Variants in SLC16A9 observed in about 807,000 individuals in gnomAD.
The protein encoded by SLC16A9 is solute carrier family 16 member 9.
SLC16A9 carries 26 observed loss-of-function variants against 44.3 expected under a neutral mutation model. The observed-to-expected ratio is 0.59, with a 90% CI of 0.43 to 0.81. SLC16A9 has a LOEUF of 0.81. Among genes scored for constraint, SLC16A9 ranks in the 40% least tolerant of loss-of-function variants. SLC16A9 has a pLI of 0.00. For missense variants in SLC16A9, 559 were observed against 595.8 expected (o/e 0.94, Z 0.64); for synonymous variants, 230 against 225.1 (o/e 1.02, Z -0.19).
chr10:59,672,945 T>C lies in SLC16A9; in HGVS notation c.197-32A>G, dbSNP rs183156916. On this transcript the variant is annotated intron_variant, in intron 2 of 5. Transcript: ENST00000395348. ...AAAGAAATGAAACCTTCACTTATTA[T>C]CATATGATCCATCCATCATAAGTTC... is the stretch of plus-strand genomic sequence containing the variant. The C allele has an allele frequency of 4.4e-6, 7 of 1,578,682 alleles. No homozygotes were observed. In the East Asian group the frequency reaches 1.6e-4, roughly 36 times the overall value.
In SLC16A9 at chr10:59,650,934, G is replaced by A. The variant is rs1363693419; in HGVS notation, c.*1838C>T. ...AAAGTCAAACTTTTTCAGGTTATTG[G>A]GTTTCCTGAACATAACTGGCAAAAA... On this transcript the variant is annotated 3_prime_UTR_variant, in exon 6 of 6. Coordinates refer to ENST00000395348, the MANE Select transcript of SLC16A9 (RefSeq NM_194298.3). 6.6e-6 allele frequency: 1 copy of A among 151,690 alleles called. No homozygotes were observed. Among genetic ancestry groups the A allele is most frequent in the Non-Finnish European group, 1.5e-5 (1 of 67,964 alleles). The allele number at this position is 151,690 out of a possible 1,614,324, so 9.4% of individuals were successfully genotyped here.
chr10:59,657,434 C>T (rs1839374329), intron 4 of SLC16A9, among the ~76,000 whole-genome samples: 1 of 152,162 alleles, frequency 6.6e-6, no homozygotes, highest in Non-Finnish European at 1.5e-5. Flanking sequence ...TTTTAAAAAA[C>T]TCTGCTGTGA....
Position 59,653,756 on chromosome 10 carries a change from CCA to C in SLC16A9, c.1268_1269del (p.Val423GlyfsTer3). On this transcript the variant is annotated frameshift_variant, in exon 5 of 6. Transcript: ENST00000395348. LOFTEE classifies it high-confidence loss of function. ...TAGGCATGGGCTAATTTTTCAATTCCCACAGTCTTCGTGGTCACATATGGAAA... is the reference window on the plus strand; with the variant it reads ...TAGGCATGGGCTAATTTTTCAATTCCCAGTCTTCGTGGTCACATATGGAAA... Reference protein sequence around the residue: ...SIFPYVTTKTVGIEKLAHAYG... With the variant: ...SIFPYVTTKTXGIEKLAHAYG... 6.2e-7 allele frequency: 1 copy of C among 1,614,084 alleles called. No homozygotes were observed. Among genetic ancestry groups the C allele is most frequent in the Non-Finnish European group, 8.5e-7 (1 of 1,180,014 alleles).
In SLC16A9 at chr10:59,682,191, C is replaced by T. The variant is rs374322368; in HGVS notation, c.196+1905G>A. On this transcript the variant is annotated intron_variant, in intron 2 of 5. Transcript: ENST00000395348. ...ATAAGATGCCCTAACTCTCTGGTCC[C>T]TACAAGCAGGGCTGGCTTGTTGGAT... Among the ~76,000 whole-genome samples, 331 of 152,156 alleles carry T rather than the reference C, an allele frequency of 2.2e-3. 1 individual carries two copies. Among genetic ancestry groups the T allele is most frequent in the African/African-American group, 7.7e-3 (319 of 41,510 alleles).
rs762986321 is a variant in SLC16A9 at position 59,684,216 on chromosome 10, A to G, written c.76T>C (p.Cys26Arg). 3 of 1,614,016 alleles carry G rather than the reference A, an allele frequency of 1.9e-6. No individual in the cohort carries two copies. In the African/African-American group the frequency reaches 4.0e-5, roughly 22 times the overall value. The change falls in exon 2 of 6, where the codon TGT (cysteine) becomes CGT (arginine). Residue 26 changes from cysteine to arginine, a missense_variant. Physicochemically the swap from Cys to Arg is radical, Grantham distance 180 (BLOSUM62 -3). Coordinates refer to ENST00000395348, the MANE Select transcript of SLC16A9 (RefSeq NM_194298.3). ...CCAACAGCTAGTGGGGATCCGTAAC[A>G]CAAAAACTGAGTAAGGAAGGAGACA... The part of the protein sequence containing the change: ...VFVSFLTQFL[C>R]YGSPLAVGVL...
chr10:59,691,850 G>T (rs1840260099), intron 1 of SLC16A9, among the ~76,000 whole-genome samples: 1 of 152,184 alleles, frequency 6.6e-6, no homozygotes, highest in Admixed American at 6.5e-5. Flanking sequence ...AACTGCAGGT[G>T]TGACATTTAA....
chr10:59,676,896 C>A (rs1026265068), intron 2 of SLC16A9, among the ~76,000 whole-genome samples: 1 of 145,366 alleles, frequency 6.9e-6, no homozygotes, highest in Admixed American at 7.0e-5. Flanking sequence ...GTGCTCCAGC[C>A]TGGGCAATGA....
intron 1 of SLC16A9, among the ~76,000 whole-genome samples, chr10:59,693,046 A>G (rs976369247): frequency 4.6e-5 from 7 of 152,196 alleles, no homozygotes. Flanking sequence ...TCTCCATACC[A>G]CATGTAATAT....
In SLC16A9 at chr10:59,683,646, T is replaced by C. The variant is rs899738642; in HGVS notation, c.196+450A>G. Among the ~76,000 whole-genome samples, 7 of 152,342 alleles carry C rather than the reference T, an allele frequency of 4.6e-5. No homozygotes were observed. In the East Asian group the frequency reaches 1.4e-3, roughly 29 times the overall value. ...CAGAGAAGAGTAATCACAAGCCATGTAGAAGCTGCCTAGAAGGCTGCTGAG... is the reference window on the plus strand; with the variant it reads ...CAGAGAAGAGTAATCACAAGCCATGCAGAAGCTGCCTAGAAGGCTGCTGAG... On this transcript the variant is annotated intron_variant, in intron 2 of 5. Coordinates refer to ENST00000395348, the MANE Select transcript of SLC16A9 (RefSeq NM_194298.3).
At chr10:59,689,659 T>C (rs1164365967) in intron 1 of SLC16A9, among the ~76,000 whole-genome samples, 3 of 152,220 alleles carry the variant, frequency 2.0e-5, no homozygotes, top group African/African-American at 7.2e-5. Context: ...TCCACGTTTG[T>C]GAGCTAACCC....
At chr10:59,685,652 T>C (rs1840114944) in intron 1 of SLC16A9, among the ~76,000 whole-genome samples, 1 of 152,254 alleles carries the variant, frequency 6.6e-6, no homozygotes, top group African/African-American at 2.4e-5. Context: ...GACCAGTCCC[T>C]GTGGCTTTAA....
At position 59,678,023 on chromosome 10, in the gene SLC16A9, C is replaced by T. The variant is rs145108060; in HGVS notation, c.197-5110G>A. On this transcript the variant is annotated intron_variant, in intron 2 of 5. Coordinates refer to ENST00000395348, the MANE Select transcript of SLC16A9 (RefSeq NM_194298.3). ...CTAGCATTAGGTATATCTCCCAATG[C>T]TATCCCTCCCCCCTCCCCCCACCCC... 3.0e-3 allele frequency among the ~76,000 whole-genome samples: 440 copies of T among 146,800 alleles called. 1 individual carries two copies. The highest frequency in any genetic ancestry group is 0.011 in the African/African-American group (420 of 39,722).
rs772348949 is a variant in SLC16A9, at chr10:59,664,331, G to A, written c.341-9C>T. On this transcript the variant is annotated splice_polypyrimidine_tract_variant and intron_variant, in intron 3 of 5. Coordinates refer to ENST00000395348, the MANE Select transcript of SLC16A9 (RefSeq NM_194298.3). Reference sequence around the variant, plus strand: ...TAAACCACATCCAAGACCTAAGCATGAGAAGACATTGCATAAATTAAGACG... The same window carrying A: ...TAAACCACATCCAAGACCTAAGCATAAGAAGACATTGCATAAATTAAGACG... 1.9e-6 allele frequency: 3 copies of A among 1,584,816 alleles called. No homozygotes were observed. Among genetic ancestry groups the A allele is most frequent in the African/African-American group, 1.4e-5 (1 of 73,940 alleles).
At chr10:59,707,429 G>A (rs1840669601) in intron 1 of SLC16A9, among the ~76,000 whole-genome samples, 1 of 151,856 alleles carries the variant, frequency 6.6e-6, no homozygotes, top group Non-Finnish European at 1.5e-5. Flanking sequence ...AGTAGGTAGG[G>A]TTGGGGTGAA....
intron 1 of SLC16A9, among the ~76,000 whole-genome samples, chr10:59,694,563 G>T (rs534200545): frequency 6.6e-6 from 1 of 151,490 alleles, no homozygotes; most frequent in South Asian, 2.1e-4. Context: ...CACTTTGGGA[G>T]GCCAAGGTGG....
chr10:59,666,985 A>G (rs988730959), intron 3 of SLC16A9, among the ~76,000 whole-genome samples: 11 of 152,148 alleles, frequency 7.2e-5, no homozygotes, highest in African/African-American at 2.7e-4. Flanking sequence ...AATATTAACC[A>G]AAGTGATGTT....
chr10:59,653,022 A>C, intron 5 of SLC16A9, 72 bp from the exon 6 acceptor site: 4 of 1,181,952 alleles, frequency 3.4e-6, no homozygotes, highest in Non-Finnish European at 4.7e-6. Context: ...CCCTAATTAT[A>C]TCAGTTTTAT....
At chr10:59,678,940 G>A (rs1839926494) in intron 2 of SLC16A9, among the ~76,000 whole-genome samples, 1 of 152,134 alleles carries the variant, frequency 6.6e-6, no homozygotes, top group African/African-American at 2.4e-5. Context: ...AGTTAACAGT[G>A]CTTAGGGGTA....
intron 2 of SLC16A9, among the ~76,000 whole-genome samples, chr10:59,677,960 T>C (rs1223933733): frequency 2.6e-5 from 4 of 152,052 alleles, no homozygotes; most frequent in Admixed American, 6.5e-5. Context: ...TATGTATACA[T>C]GTGCCATGCT....
Sources: gnomAD v4.1 joint callset for allele counts (sites outside exome capture counted in the v4.1 genomes callset) on GRCh38, gnomAD v4.1.1 for gene constraint, MANE v1.5 for transcripts, NCBI Gene and HGNC (gene_info 2026-07-23, HGNC 2026-07-21) for gene names.